Variants in DSCAM observed in about 807,000 individuals in gnomAD.
The protein encoded by DSCAM is cell adhesion molecule DSCAM.
DSCAM carries 47 observed loss-of-function variants against 217.7 expected under a neutral mutation model. That is an observed-to-expected ratio of 0.22 (90% confidence interval 0.17 to 0.28). The LOEUF is 0.28. Among genes scored for constraint, DSCAM ranks in the 10% least tolerant of loss-of-function variants. The probability of loss-of-function intolerance (pLI) is 1.00; values close to 1 mark genes in which losing one functional copy is unlikely to be tolerated. For synonymous variants in DSCAM, 1,056 were observed against 1,015.3 expected (o/e 1.04, Z -0.76); for missense variants, 2,080 against 2,618.3 (o/e 0.79, Z 4.49).
At chr21:40,226,069 A>C (rs890956847) in intron 11 of DSCAM, among the ~76,000 whole-genome samples, 2 of 152,184 alleles carry the variant, frequency 1.3e-5, no homozygotes, top group African/African-American at 4.8e-5. Flanking sequence ...TTATCTATCC[A>C]ATGAGATGTG....
intron 30 of DSCAM, among the ~76,000 whole-genome samples, chr21:40,045,694 G>T (rs2088831519): frequency 6.6e-6 from 1 of 152,202 alleles, no homozygotes; most frequent in East Asian, 1.9e-4. Flanking sequence ...GCTTCTCAAA[G>T]AGCAGTTTGA....
intron 3 of DSCAM, among the ~76,000 whole-genome samples, chr21:40,579,421 A>C (rs906938615): frequency 1.3e-5 from 2 of 152,130 alleles, no homozygotes; most frequent in African/African-American, 2.4e-5. Context: ...GATATAGAGA[A>C]AAGAATGATA....
chr21:40,183,042 GGGGGCTACCAGAGAAACCGTGGACAGGA>G lies in DSCAM; in HGVS notation c.2780-3976_2780-3949del. Among the ~76,000 whole-genome samples the G allele has an allele frequency of 7.8e-5, 5 of 64,132 alleles. 2 individuals are homozygous for G. The highest frequency in any genetic ancestry group is 4.6e-4 in the African/African-American group (5 of 10,816). The allele number at this position is 64,132 out of a possible 152,430, so 42.1% of individuals were successfully genotyped here. On this transcript the variant is annotated intron_variant, in intron 14 of 32. Transcript: ENST00000400454. The stretch of plus-strand genomic sequence containing the variant: ...GCCACCAGAGAAACCGTGGACAGGA[GGGGGCTACCAGAGAAACCGTGGACAGGA>G]GGGGGCTACCAGAGAAACCGTGGAC...
intron 1 of DSCAM, among the ~76,000 whole-genome samples, chr21:40,716,476 G>A (rs962468094): frequency 2.6e-5 from 4 of 152,108 alleles, no homozygotes; most frequent in East Asian, 3.9e-4. Context: ...GTGAAATTCA[G>A]GGTTGAAAAT....
At chr21:40,250,592 G>A (rs185686795) in intron 11 of DSCAM, among the ~76,000 whole-genome samples, 291 of 152,280 alleles carry the variant, frequency 1.9e-3, no homozygotes, top group Admixed American at 3.9e-3. Context: ...ATCCCCAGAT[G>A]GCTTCACTGT....
intron 3 of DSCAM, among the ~76,000 whole-genome samples, chr21:40,473,047 G>T (rs1275942641): frequency 6.6e-6 from 1 of 152,190 alleles, no homozygotes; most frequent in Non-Finnish European, 1.5e-5. Context: ...TATTTGAGGA[G>T]AAGTATCCAT....
intron 11 of DSCAM, among the ~76,000 whole-genome samples, chr21:40,226,199 C>T (rs919288806): frequency 2.0e-4 from 30 of 152,168 alleles, no homozygotes; most frequent in Non-Finnish European, 1.5e-4. Flanking sequence ...GTGCTCTTGA[C>T]TTTCTCCCCA....
chr21:40,222,430 A>T (rs1319303246), intron 11 of DSCAM, among the ~76,000 whole-genome samples: 2 of 152,206 alleles, frequency 1.3e-5, no homozygotes, highest in Non-Finnish European at 2.9e-5. Context: ...CTGCATGGGA[A>T]TTAATCTTTA....
intron 1 of DSCAM, among the ~76,000 whole-genome samples, chr21:40,782,503 G>A (rs1251239600): frequency 6.6e-6 from 1 of 152,200 alleles, no homozygotes; most frequent in Admixed American, 6.5e-5. Flanking sequence ...CGAGGCGGGA[G>A]GATCGCTTGA....
chr21:40,711,070 G>A (rs1459135383), intron 1 of DSCAM, among the ~76,000 whole-genome samples: 1 of 151,112 alleles, frequency 6.6e-6, no homozygotes, highest in Non-Finnish European at 1.5e-5. Flanking sequence ...GCAGGGCTAG[G>A]AGGTGGCAGA....
intron 3 of DSCAM, among the ~76,000 whole-genome samples, chr21:40,418,694 T>G (rs1389446732): frequency 1.3e-5 from 2 of 152,168 alleles, no homozygotes; most frequent in African/African-American, 4.8e-5. Flanking sequence ...TAGAACAATC[T>G]GCTAAAATGA....
intron 15 of DSCAM, among the ~76,000 whole-genome samples, chr21:40,177,259 G>A (rs985245232): frequency 3.9e-5 from 6 of 152,192 alleles, no homozygotes; most frequent in African/African-American, 1.4e-4. Flanking sequence ...TCTGAGACAT[G>A]CAAAGTATTT....
intron 3 of DSCAM, among the ~76,000 whole-genome samples, chr21:40,504,969 G>A (rs147377668): frequency 6.6e-6 from 1 of 152,140 alleles, no homozygotes; most frequent in Non-Finnish European, 1.5e-5. Flanking sequence ...GAAATCAAGG[G>A]CTGTTTATAT....
At chr21:40,511,367 G>A (rs1277854674) in intron 3 of DSCAM, among the ~76,000 whole-genome samples, 1 of 152,098 alleles carries the variant, frequency 6.6e-6, no homozygotes, top group African/African-American at 2.4e-5. Flanking sequence ...CTTAATGTAA[G>A]TTATTACATT....
intron 3 of DSCAM, among the ~76,000 whole-genome samples, chr21:40,500,570 A>G (rs942696064): frequency 6.6e-6 from 1 of 152,224 alleles, no homozygotes; most frequent in Non-Finnish European, 1.5e-5. Context: ...TTGGAGATCT[A>G]CATCATATTC....
chr21:40,243,069 C>G (rs1253984696), intron 11 of DSCAM, among the ~76,000 whole-genome samples: 4 of 152,154 alleles, frequency 2.6e-5, no homozygotes, highest in Non-Finnish European at 5.9e-5. Context: ...ATCTGAGTCT[C>G]CCACCTCACA....
At chr21:40,316,012 G>T (rs1883548300) in intron 8 of DSCAM, among the ~76,000 whole-genome samples, 1 of 152,114 alleles carries the variant, frequency 6.6e-6, no homozygotes, top group African/African-American at 2.4e-5. Context: ...TTAGTAGTCA[G>T]CATTTTTGTA....
At chr21:40,235,767 T>C (rs2091423959) in intron 11 of DSCAM, among the ~76,000 whole-genome samples, 1 of 151,740 alleles carries the variant, frequency 6.6e-6, no homozygotes, top group African/African-American at 2.4e-5. Context: ...TGCATTCCTT[T>C]TCAGAAAAAA....
intron 3 of DSCAM, among the ~76,000 whole-genome samples, chr21:40,418,787 T>A (rs2837618): frequency 0.37 from 56,242 of 151,860 alleles, 12,318 homozygotes; most frequent in Non-Finnish European, 0.48. Context: ...AGTAGAATAA[T>A]GCATAAAATT....
Sources: gnomAD v4.1 joint callset for allele counts (sites outside exome capture counted in the v4.1 genomes callset) on GRCh38, gnomAD v4.1.1 for gene constraint, MANE v1.5 for transcripts, NCBI Gene and HGNC (gene_info 2026-07-23, HGNC 2026-07-21) for gene names.